Variants in COL5A2 observed in about 807,000 individuals in gnomAD.
COL5A2 encodes the protein collagen alpha-2(V) chain.
A neutral mutation model predicts 208.2 loss-of-function variants in COL5A2; 23 were observed. The observed-to-expected ratio is 0.11, with a 90% CI of 0.08 to 0.16. The LOEUF is 0.16. Among genes scored for constraint, COL5A2 ranks in the 10% least tolerant of loss-of-function variants. The pLI is 1.00. For synonymous variants in COL5A2, 625 were observed against 628.5 expected (o/e 0.99, Z 0.08); for missense variants, 1,590 against 1,956.4 (o/e 0.81, Z 3.53).
intron 1 of COL5A2, among the ~76,000 whole-genome samples, chr2:189,127,241 T>G (rs1162385500): frequency 6.6e-6 from 1 of 152,070 alleles, no homozygotes; most frequent in Non-Finnish European, 1.5e-5. Flanking sequence ...GGGACAGGGT[T>G]GGAAAAAATG....
At chr2:189,063,925 T>C in intron 26 of COL5A2, 55 bp downstream of exon 26, 1 of 1,338,346 alleles carries the variant, frequency 7.5e-7, no homozygotes, top group South Asian at 1.2e-5. Context: ...ATCATTTAAG[T>C]TGCATGTCTG....
intron 1 of COL5A2, among the ~76,000 whole-genome samples, chr2:189,198,759 A>G (rs1689037146): frequency 1.3e-5 from 2 of 152,106 alleles, no homozygotes; most frequent in Admixed American, 1.3e-4. Context: ...GGGATATAGT[A>G]AGGTAATAAT....
intron 1 of COL5A2, among the ~76,000 whole-genome samples, chr2:189,214,228 G>A (rs889870094): frequency 3.9e-5 from 6 of 151,958 alleles, no homozygotes; most frequent in Non-Finnish European, 4.4e-5. Context: ...CCTGAACAAA[G>A]ACATATTATT....
At chr2:189,380,759 T>G in the COL5A2 span, among the ~76,000 whole-genome samples, 2 of 151,920 alleles carry the variant, frequency 1.3e-5, no homozygotes, top group Non-Finnish European at 2.9e-5. Flanking sequence ...ACCAACAATC[T>G]TTAGTACCAG....
intron 5 of COL5A2, among the ~76,000 whole-genome samples, chr2:189,098,333 G>C (rs1022854145): frequency 3.9e-5 from 6 of 152,174 alleles, no homozygotes; most frequent in Non-Finnish European, 8.8e-5. Flanking sequence ...CCTGCTGTAT[G>C]ATTTCTCAAA....
At chr2:189,382,598 C>T in the COL5A2 span, among the ~76,000 whole-genome samples, 2 of 152,092 alleles carry the variant, frequency 1.3e-5, no homozygotes, top group South Asian at 2.1e-4. Context: ...AGCTGTTACG[C>T]ACGTCCATAT....
At chr2:189,341,156 ATT>A in the COL5A2 span, among the ~76,000 whole-genome samples, 40 of 152,198 alleles carry the variant, frequency 2.6e-4, no homozygotes, top group African/African-American at 9.6e-4. Flanking sequence ...ACATCTAGAA[ATT>A]TGTGGTTCAG....
chr2:189,357,003 C>T, the COL5A2 span, among the ~76,000 whole-genome samples: 3 of 152,178 alleles, frequency 2.0e-5, no homozygotes, highest in African/African-American at 7.2e-5. Flanking sequence ...TGCTGCAGGT[C>T]TGCTGGAGTG....
chr2:189,169,961 C>T (rs1017170722), intron 1 of COL5A2, among the ~76,000 whole-genome samples: 5 of 152,190 alleles, frequency 3.3e-5, no homozygotes, highest in African/African-American at 4.8e-5. Context: ...AGGTGATCTA[C>T]CCAGCTCGGC....
At chr2:189,119,614 T>C (rs1344574427) in intron 1 of COL5A2, among the ~76,000 whole-genome samples, 1 of 152,106 alleles carries the variant, frequency 6.6e-6, no homozygotes, top group Non-Finnish European at 1.5e-5. Flanking sequence ...TATTTAAACA[T>C]GGTGACTACG....
At chr2:189,179,796 G>T, upstream of COL5A2, 1 of 794,016 alleles carries the variant, frequency 1.3e-6, no homozygotes, top group Non-Finnish European at 2.0e-6. Context: ...CTTTAAATAG[G>T]AAGAATGCTG....
At chr2:189,435,513 A>C in the COL5A2 span, among the ~76,000 whole-genome samples, 1 of 152,168 alleles carries the variant, frequency 6.6e-6, no homozygotes, top group Non-Finnish European at 1.5e-5. Flanking sequence ...AAAAGTGGGC[A>C]AAGGATATGA....
chr2:189,197,469 T>C (rs1004135244), intron 1 of COL5A2, among the ~76,000 whole-genome samples: 14 of 151,894 alleles, frequency 9.2e-5, no homozygotes, highest in Admixed American at 2.6e-4. Context: ...AATTAATTAA[T>C]TAAAAAATTA....
chr2:189,046,815 G>GAAA (rs112684457), intron 45 of COL5A2, among the ~76,000 whole-genome samples: 2 of 136,072 alleles, frequency 1.5e-5, no homozygotes, highest in Non-Finnish European at 1.6e-5. Flanking sequence ...TCAAGGTTTT[G>GAAA]AAAAAAAAAA....
the COL5A2 span, among the ~76,000 whole-genome samples, chr2:189,241,776 G>C: frequency 1.3e-5 from 2 of 152,320 alleles, no homozygotes; most frequent in South Asian, 4.1e-4. Context: ...AAATAAAGTA[G>C]TTGGGTCCAA....
chr2:189,097,192 C>T lies in COL5A2; in HGVS notation c.456+85G>A, dbSNP rs975824944. 2.3e-6 allele frequency: 3 copies of T among 1,281,228 alleles called. No homozygotes were observed. In the African/African-American group the frequency reaches 4.4e-5, roughly 19 times the overall value. 79.4% of individuals were successfully genotyped at this position (1,281,228 alleles called of 1,614,324 possible). A position where few individuals can be genotyped will look rare whatever the true frequency, so the allele number is the denominator to read the frequency against. Reference sequence around the variant, plus strand: ...TAATGGAGGTGAAAGAGGAATAGTGCTCCCAGCTTCTTGCTGCATTCAGAG... The same window carrying T: ...TAATGGAGGTGAAAGAGGAATAGTGTTCCCAGCTTCTTGCTGCATTCAGAG... On this transcript the variant is annotated intron_variant, in intron 6 of 53. Coordinates refer to ENST00000374866, the MANE Select transcript of COL5A2 (RefSeq NM_000393.5).
At chr2:189,086,145 C>T (rs7419288) in intron 9 of COL5A2, among the ~76,000 whole-genome samples, 22,783 of 152,150 alleles carry the variant, frequency 0.15, 1,692 homozygotes, top group Middle Eastern at 0.2. Context: ...ACACACATGA[C>T]AATGACAATG....
At chr2:189,048,626 G>T (rs1685719770) in intron 44 of COL5A2, among the ~76,000 whole-genome samples, 1 of 152,076 alleles carries the variant, frequency 6.6e-6, no homozygotes, top group Non-Finnish European at 1.5e-5. Context: ...TATCCTTAAA[G>T]TTTTGAAATA....
At chr2:189,376,211 G>A in the COL5A2 span, among the ~76,000 whole-genome samples, 1 of 152,050 alleles carries the variant, frequency 6.6e-6, no homozygotes, top group African/African-American at 2.4e-5. Flanking sequence ...CACTTTCTAA[G>A]ATCTTGCATT....
Sources: allele counts gnomAD v4.1 joint callset (sites outside exome capture counted in the v4.1 genomes callset), GRCh38; gene constraint gnomAD v4.1.1; transcripts MANE v1.5; gene names NCBI Gene and HGNC (gene_info 2026-07-23, HGNC 2026-07-21).